MVB12A: variants seen among roughly 807,000 people sequenced by gnomAD.
MVB12A encodes multivesicular body subunit 12A.
Under a neutral mutation model 34.3 loss-of-function variants are expected in MVB12A, and 30 were observed. The observed-to-expected ratio is 0.88, with a 90% confidence interval of 0.65 to 1.19. The LOEUF is 1.19. Among genes scored for constraint, MVB12A ranks in the 50% most tolerant of loss-of-function variants. MVB12A has a pLI of 0.00. For missense variants in MVB12A, 355 were observed against 369.2 expected, an observed-to-expected ratio of 0.96 and a Z score of 0.31; for synonymous variants, 158 against 158.9, an observed-to-expected ratio of 0.99 and a Z score of 0.04.
intron 2 of MVB12A, among the ~76,000 whole-genome samples, chr19:17,408,726 C>T (rs1050005028): frequency 2.0e-5 from 3 of 150,796 alleles, no homozygotes; most frequent in South Asian, 2.1e-4. Context: ...GGATTACAGG[C>T]GTGAGCCACT....
At chr19:17,410,496 T>TTATATATGTGTGTATATATATATATA (rs1568387298) in intron 2 of MVB12A, among the ~76,000 whole-genome samples, 3 of 31,512 alleles carry the variant, frequency 9.5e-5, no homozygotes, top group South Asian at 6.4e-4. Flanking sequence ...GGTTTTAGCT[T>TTATATATGTGTGTATATATATATATA]CATATATATA....
Position 17,420,551 on chromosome 19 carries a change from A to G in MVB12A, c.203A>G (p.Asn68Ser). ...SLGSLENPQE[N>S]VVADIQIVVD... ...TTCCACCCCCAGAACCCGCAGGAGA[A>G]CGTGGTGGCCGATATCCAGATCGTG... Residue 68 changes from asparagine to serine, a missense_variant, in exon 3 of 9, where the codon AAC (asparagine) becomes AGC (serine). Asn to Ser is a conservative substitution (Grantham distance 46). Coordinates refer to ENST00000317040, the MANE Select transcript of MVB12A (RefSeq NM_138401.4). 6.2e-7 allele frequency: 1 copy of G among 1,613,800 alleles called. No individual in the cohort carries two copies. Among genetic ancestry groups the G allele is most frequent in the Non-Finnish European group, 8.5e-7 (1 of 1,179,754 alleles).
chr19:17,422,388 A>G lies in MVB12A; in HGVS notation c.343A>G (p.Thr115Ala). 6.2e-7 allele frequency: 1 copy of G among 1,613,606 alleles called. No homozygotes were observed. Among genetic ancestry groups the G allele is most frequent in the Non-Finnish European group, 8.5e-7 (1 of 1,179,766 alleles). ...MCVKLLPLGA[T>A]DTAVFDVRLS... Reference sequence around the variant, plus strand: ...TGTGAAGCTGTTGCCCCTGGGAGCCACGGACACGGCTGTGTTTGATGTCCG... The same window carrying G: ...TGTGAAGCTGTTGCCCCTGGGAGCCGCGGACACGGCTGTGTTTGATGTCCG... Residue 115 changes from threonine (T) to alanine (A), a missense_variant, in exon 4 of 9, where the codon ACG becomes GCG. Thr to Ala is a moderately conservative substitution (Grantham distance 58). Coordinates refer to ENST00000317040, the MANE Select transcript of MVB12A (RefSeq NM_138401.4).
At position 17,420,216 on chromosome 19, in the gene MVB12A, G is replaced by C. The variant is rs1247314032; in HGVS notation, c.81G>C (p.Gly27=). ...CGGCCTCTGCACCCCCGCCGCGGGG[G>C]TTCAGCGCGGTGAGCGGCGTCGAGG... is the stretch of plus-strand genomic sequence containing the variant. ...WSSASAPPPR[G]FSAISCTVEG... Residue 27 remains glycine (G), a synonymous_variant, in exon 1 of 9, where the codon GGG becomes GGC. Coordinates refer to ENST00000317040, the MANE Select transcript of MVB12A (RefSeq NM_138401.4). The C allele has an allele frequency of 1.3e-6, 2 of 1,486,700 alleles. No individual in the cohort carries two copies. Among genetic ancestry groups the C allele is most frequent in the Admixed American group, 2.5e-5 (1 of 39,962 alleles). 92.1% of individuals were successfully genotyped at this position (1,486,700 alleles called of 1,614,324 possible). A position where few individuals can be genotyped will look rare whatever the true frequency, so the allele number is the denominator to read the frequency against.
rs577818230 is a variant in MVB12A, at chr19:17,420,694, G to A, written c.286+60G>A. On this transcript the variant is annotated intron_variant, in intron 3 of 8. Coordinates refer to ENST00000317040, the MANE Select transcript of MVB12A (RefSeq NM_138401.4). The stretch of plus-strand genomic sequence containing the variant: ...TCCCTTGCAGGGAGGAGCGGGGGAG[G>A]AGGGACGACGGGCGCGCGGTATCTG... 4.7e-6 allele frequency: 6 copies of A among 1,272,114 alleles called. No homozygotes were observed. The South Asian group carries it at 7.3e-5, about 15-fold the overall frequency. 78.8% of individuals were successfully genotyped at this position (1,272,114 alleles called of 1,614,324 possible).
intron 2 of MVB12A, among the ~76,000 whole-genome samples, chr19:17,410,353 A>G (rs2074756330): frequency 1.3e-5 from 2 of 149,110 alleles, no homozygotes; most frequent in South Asian, 4.3e-4. Context: ...TATTTTTTGT[A>G]GAGATGGGGG....
chr19:17,417,088 G>T, upstream of MVB12A: 3 of 381,442 alleles, frequency 7.9e-6, no homozygotes, highest in Non-Finnish European at 1.6e-5. Flanking sequence ...CCTTTGCACC[G>T]TCAAACTTTC....
In MVB12A at chr19:17,410,607, CAT is replaced by C. The variant is rs534736872; in HGVS notation, c.-5+4323_-5+4324del. On this transcript the variant is annotated intron_variant, in intron 2 of 6. Transcript: ENST00000528604. ...ATATATACACACATATATATATACACATATATATATATAATTATTATTATTTT... is the reference window on the plus strand; with the variant it reads ...ATATATACACACATATATATATACACATATATATATAATTATTATTATTTT... 4.6e-4 allele frequency among the ~76,000 whole-genome samples: 62 copies of C among 135,592 alleles called. No homozygotes were observed. The South Asian group carries it at 5.5e-3, about 12-fold the overall frequency. The allele number at this position is 135,592 out of a possible 152,430, so 89.0% of individuals were successfully genotyped here. A position where few individuals can be genotyped will look rare whatever the true frequency, so the allele number is the denominator to read the frequency against.
chr19:17,421,386 G>C (rs1271084834), intron 3 of MVB12A, among the ~76,000 whole-genome samples: 1 of 151,762 alleles, frequency 6.6e-6, no homozygotes, highest in Non-Finnish European at 1.5e-5. Context: ...GTTTCTCCAT[G>C]TTGGTCAGGC....
At position 17,423,730 on chromosome 19, in the gene MVB12A, G is replaced by T. The variant is rs1226433835; in HGVS notation, c.571G>T (p.Gly191Cys). 1.2e-6 allele frequency: 2 copies of T among 1,613,982 alleles called. No individual in the cohort carries two copies. Among genetic ancestry groups the T allele is most frequent in the East Asian group, 4.5e-5 (2 of 44,886 alleles). ...CCTGGAGCGGACAGCGTCAAGGCTG[G>T]GCTCTCGGGCATCCACTCTGCGGAG... ...GLLERTASRLGSRASTLRRND... is the reference protein window; with the variant it reads ...GLLERTASRLCSRASTLRRND... The change falls in exon 6 of 9, where the codon GGC (glycine) becomes TGC (cysteine). Residue 191 changes from glycine to cysteine, a missense_variant. Gly to Cys is a radical substitution (Grantham distance 159). Coordinates refer to ENST00000317040, the MANE Select transcript of MVB12A (RefSeq NM_138401.4).
intron 2 of MVB12A, among the ~76,000 whole-genome samples, chr19:17,406,727 T>C (rs181812281): frequency 6.6e-6 from 1 of 152,210 alleles, no homozygotes; most frequent in African/African-American, 2.4e-5. Flanking sequence ...GGAGGATCAC[T>C]CGAGCCCAGG....
At chr19:17,412,780 TGAA>T (rs1245970300) in intron 2 of MVB12A, among the ~76,000 whole-genome samples, 6 of 152,172 alleles carry the variant, frequency 3.9e-5, no homozygotes, top group Non-Finnish European at 7.4e-5. Context: ...GATAAACATT[TGAA>T]GAAGGAGTAA....
At chr19:17,423,640 G>C (rs776986817) in intron 5 of MVB12A, 23 bp downstream of exon 5, 13 of 1,613,482 alleles carry the variant, frequency 8.1e-6, no homozygotes, top group East Asian at 2.2e-5. Context: ...GCACCGGAGT[G>C]GGGGTGGCCG....
At chr19:17,422,538 C>T in intron 4 of MVB12A, 80 bp downstream of exon 4, 1 of 1,401,744 alleles carries the variant, frequency 7.1e-7, no homozygotes, top group Non-Finnish European at 9.6e-7. Flanking sequence ...TCAAGGACAC[C>T]CCTGAGGTCT....
chr19:17,419,960 G>T (rs2074825034), upstream of MVB12A: 1 of 407,314 alleles, frequency 2.5e-6, no homozygotes, highest in South Asian at 1.1e-4. Flanking sequence ...GCCTCCCCAC[G>T]CCATTGGCCA....
At chr19:17,410,577 CATATATATAT>C (rs1276220661) in intron 2 of MVB12A, among the ~76,000 whole-genome samples, 4 of 112,996 alleles carry the variant, frequency 3.5e-5, no homozygotes, top group Admixed American at 1.9e-4. Flanking sequence ...CATATATATA[CATATATATAT>C]ACACACATAT....
intron 7 of MVB12A, 81 bp from the exon 8 acceptor site, chr19:17,424,540 A>T (rs746506881): frequency 2.9e-6 from 4 of 1,386,500 alleles, no homozygotes; most frequent in Non-Finnish European, 4.0e-6. Flanking sequence ...TGTTGGGGGG[A>T]GGGCAGGACC....
At chr19:17,407,219 T>C (rs1056389347) in intron 2 of MVB12A, among the ~76,000 whole-genome samples, 34 of 152,292 alleles carry the variant, frequency 2.2e-4, no homozygotes, top group Non-Finnish European at 5.0e-4. Flanking sequence ...CGAAAGTTTG[T>C]TGCTCTTCCC....
intron 3 of MVB12A, among the ~76,000 whole-genome samples, chr19:17,421,439 C>G (rs1421598664): frequency 6.6e-6 from 1 of 151,992 alleles, no homozygotes; most frequent in Admixed American, 6.6e-5. Flanking sequence ...CTGCCTGGGC[C>G]TCCCAAAGTG....
Sources: gnomAD v4.1 joint callset for allele counts (sites outside exome capture counted in the v4.1 genomes callset) on GRCh38, gnomAD v4.1.1 for gene constraint, MANE v1.5 for transcripts, NCBI Gene and HGNC (gene_info 2026-07-23, HGNC 2026-07-21) for gene names.